Variants in EYS observed in about 807,000 individuals in gnomAD.
The protein encoded by EYS is protein eyes shut homolog.
Under a neutral mutation model 282.1 loss-of-function variants are expected in EYS, and 250 were observed. That is an observed-to-expected ratio of 0.89 (90% confidence interval 0.80 to 0.98). The LOEUF is 0.98. Ranked by LOEUF, EYS falls within the 50% of genes least tolerant of loss-of-function variation. EYS has a pLI of 0.00. For missense variants in EYS, 4,016 were observed against 3,709.0 expected (o/e 1.08, Z -2.15); for synonymous variants, 1,355 against 1,282.9 (o/e 1.06, Z -1.20).
intron 5 of EYS, among the ~76,000 whole-genome samples, chr6:65,470,730 G>A (rs1765178611): frequency 6.6e-6 from 1 of 152,162 alleles, no homozygotes; most frequent in African/African-American, 2.4e-5. Flanking sequence ...AGAGCTAACT[G>A]TAAATCTCTG....
Position 64,516,015 on chromosome 6 carries a change from G to A in EYS, c.5644+74208C>T, listed in dbSNP as rs139017716. Reference sequence around the variant, plus strand: ...CCAGCTTTTAAAAGTCACCTAAGATGTAATTAATTTATAATAATTACATCA... The same window carrying A: ...CCAGCTTTTAAAAGTCACCTAAGATATAATTAATTTATAATAATTACATCA... On this transcript the variant is annotated intron_variant, in intron 26 of 42. Coordinates refer to ENST00000503581, the MANE Select transcript of EYS (RefSeq NM_001142800.2). Among the ~76,000 whole-genome samples the A allele has an allele frequency of 2.0e-3, 298 of 151,824 alleles. 1 individual carries two copies. The highest frequency in any genetic ancestry group is 3.0e-3 in the Non-Finnish European group (205 of 67,816).
At chr6:64,463,160 C>T (rs563659726) in intron 26 of EYS, among the ~76,000 whole-genome samples, 2 of 152,024 alleles carry the variant, frequency 1.3e-5, no homozygotes, top group African/African-American at 4.8e-5. Flanking sequence ...ACCGTGTTAG[C>T]CAGGATGGTC....
At chr6:65,648,422 G>A (rs1767535263) in intron 1 of EYS, among the ~76,000 whole-genome samples, 1 of 151,670 alleles carries the variant, frequency 6.6e-6, no homozygotes, top group African/African-American at 2.4e-5. Context: ...GGATGGTATT[G>A]GAGACTATTA....
intron 2 of EYS, among the ~76,000 whole-genome samples, chr6:65,595,963 C>A (rs1765389457): frequency 1.3e-5 from 2 of 152,102 alleles, no homozygotes; most frequent in African/African-American, 4.8e-5. Context: ...CTCTCTTCAA[C>A]CCCCTATCTC....
chr6:64,551,601 A>G (rs965567745), intron 26 of EYS, among the ~76,000 whole-genome samples: 3 of 149,468 alleles, frequency 2.0e-5, no homozygotes, highest in African/African-American at 5.0e-5. Context: ...CAGTGGTGCA[A>G]TCTTGACTCA....
At chr6:64,107,259 ATG>A (rs1157319867) in intron 31 of EYS, among the ~76,000 whole-genome samples, 13 of 124,930 alleles carry the variant, frequency 1.0e-4, no homozygotes, top group Admixed American at 5.7e-4. Flanking sequence ...ATATATATAT[ATG>A]TGTGTGTGTG....
intron 26 of EYS, among the ~76,000 whole-genome samples, chr6:64,515,594 G>C (rs1025302069): frequency 1.3e-5 from 2 of 151,102 alleles, no homozygotes; most frequent in Non-Finnish European, 1.5e-5. Flanking sequence ...TTAATATATT[G>C]ATCAATTTTT....
chr6:64,633,058 G>A (rs1333848970), intron 22 of EYS, among the ~76,000 whole-genome samples: 1 of 152,072 alleles, frequency 6.6e-6, no homozygotes, highest in African/African-American at 2.4e-5. Context: ...TTTATATTAT[G>A]TATCTTGAAG....
At chr6:64,636,352 T>C (rs2149867037) in intron 22 of EYS, among the ~76,000 whole-genome samples, 1 of 152,298 alleles carries the variant, frequency 6.6e-6, no homozygotes, top group African/African-American at 2.4e-5. Context: ...GCGTTCCCTA[T>C]TTAACAAATG....
At position 64,230,714 on chromosome 6, in the gene EYS, G is replaced by C; in HGVS notation, c.6302C>G (p.Ser2101Cys). The C allele has an allele frequency of 6.4e-7, 1 of 1,551,596 alleles. No individual in the cohort carries two copies. Among genetic ancestry groups the C allele is most frequent in the African/African-American group, 1.4e-5 (1 of 73,174 alleles). Residue 2101 changes from serine (S) to cysteine (C), a missense_variant, in exon 31 of 43, where the codon TCT (serine) becomes TGT (cysteine). Coordinates refer to ENST00000503581, the MANE Select transcript of EYS (RefSeq NM_001142800.2). ...GTGGCATACATCCTGCTGGCACACA[G>C]AGGGTGCTGCAACAGAGGGGCTGAC... Reference protein sequence around the residue: ...TSVSPSVAAPSVCQQDVCHNG... With the variant: ...TSVSPSVAAPCVCQQDVCHNG...
intron 19 of EYS, among the ~76,000 whole-genome samples, chr6:64,839,666 C>A (rs947675835): frequency 3.3e-5 from 5 of 151,904 alleles, no homozygotes; most frequent in Non-Finnish European, 5.9e-5. Context: ...ATTTATTTAT[C>A]CCAATTATGG....
chr6:64,205,943 CT>C (rs1287765788), intron 31 of EYS, among the ~76,000 whole-genome samples: 7 of 151,976 alleles, frequency 4.6e-5, no homozygotes, highest in Non-Finnish European at 8.8e-5. Context: ...AAAGTATACT[CT>C]ATTTTTTAGA....
At chr6:64,865,976 T>A (rs929268931) in intron 19 of EYS, among the ~76,000 whole-genome samples, 3 of 152,044 alleles carry the variant, frequency 2.0e-5, no homozygotes, top group African/African-American at 7.2e-5. Context: ...AAATCAGAAA[T>A]TTTAAAAAAT....
chr6:64,812,785 A>AT (rs11404181), intron 22 of EYS, among the ~76,000 whole-genome samples: 1 of 151,614 alleles, frequency 6.6e-6, no homozygotes, highest in Admixed American at 6.6e-5. Flanking sequence ...TTATTATTTT[A>AT]AAGTTGAACA....
intron 29 of EYS, among the ~76,000 whole-genome samples, chr6:64,321,735 T>C (rs114976521): frequency 3.9e-5 from 6 of 152,040 alleles, no homozygotes; most frequent in African/African-American, 1.4e-4. Flanking sequence ...GATGTTAATG[T>C]AGTGTTTCTG....
intron 12 of EYS, among the ~76,000 whole-genome samples, chr6:65,265,706 A>C (rs1284717679): frequency 6.6e-6 from 1 of 152,132 alleles, no homozygotes; most frequent in East Asian, 1.9e-4. Context: ...TGGGGAAGTG[A>C]ATTTTGACCC....
chr6:64,720,832 T>C (rs1290388804), intron 22 of EYS, among the ~76,000 whole-genome samples: 1 of 152,226 alleles, frequency 6.6e-6, no homozygotes, highest in African/African-American at 2.4e-5. Context: ...TTTAGACATT[T>C]ATTTTTCAAA....
At chr6:64,699,045 T>A (rs1770687042) in intron 22 of EYS, among the ~76,000 whole-genome samples, 1 of 152,130 alleles carries the variant, frequency 6.6e-6, no homozygotes, top group African/African-American at 2.4e-5. Flanking sequence ...TGCAGCTCTA[T>A]TCACAAAAGC....
At chr6:64,649,717 TC>T (rs2149877362) in intron 22 of EYS, among the ~76,000 whole-genome samples, 1 of 152,290 alleles carries the variant, frequency 6.6e-6, no homozygotes, top group African/African-American at 2.4e-5. Context: ...CACTAATTTA[TC>T]TGACAAATAT....
Sources: allele counts gnomAD v4.1 joint callset (sites outside exome capture counted in the v4.1 genomes callset), GRCh38; gene constraint gnomAD v4.1.1; transcripts MANE v1.5; gene names NCBI Gene and HGNC (gene_info 2026-07-23, HGNC 2026-07-21).